The following CPLANE1 variants were observed in gnomAD, a reference collection of about 807,000 sequenced individuals.
CPLANE1 encodes the protein ciliogenesis and planar polarity effector 1.
In CPLANE1, 263 loss-of-function variants were observed where a neutral mutation model predicts 362.5. The ratio of observed to expected loss-of-function variants is 0.73; its 90% CI spans 0.66 to 0.80. CPLANE1 has a LOEUF of 0.80. CPLANE1 is among the 30% of genes least tolerant of loss of function. The pLI, the probability that CPLANE1 is intolerant of heterozygous loss-of-function variation, is 0.00. For missense variants in CPLANE1, 3,461 were observed against 3,793.4 expected (o/e 0.91, Z 2.30); for synonymous variants, 1,212 against 1,302.6 (o/e 0.93, Z 1.50).
chr5:37,110,090 C>T (rs1472258619), intron 51 of CPLANE1, among the ~76,000 whole-genome samples: 1 of 151,650 alleles, frequency 6.6e-6, no homozygotes, highest in African/African-American at 2.4e-5. Context: ...GCAATCTATC[C>T]TTGTATGCCG....
chr5:37,080,052 G>T, the CPLANE1 span, among the ~76,000 whole-genome samples: 1 of 152,130 alleles, frequency 6.6e-6, no homozygotes, highest in Admixed American at 6.5e-5. Flanking sequence ...GAAGATGAGC[G>T]GATATTCAAG....
rs746438825 is a variant in CPLANE1, at chr5:37,179,494, A to G, written c.5738-51T>C. The G allele has an allele frequency of 1.4e-4, 176 of 1,275,166 alleles. No homozygotes were observed. In the East Asian group the frequency reaches 3.8e-3, roughly 27 times the overall value. The allele number at this position is 1,275,166 out of a possible 1,614,324, so 79.0% of individuals were successfully genotyped here. A position where few individuals can be genotyped will look rare whatever the true frequency, so the allele number is the denominator to read the frequency against. ...AAACTGATCATTTAAAAAATAAGCT[A>G]TTGACTTTTTAGGGGGCTCAGGGAA... On this transcript the variant is annotated intron_variant, in intron 28 of 52. Coordinates refer to ENST00000651892, the MANE Select transcript of CPLANE1 (RefSeq NM_001384732.1).
intron 36 of CPLANE1, among the ~76,000 whole-genome samples, chr5:37,165,214 T>A (rs1161870194): frequency 6.6e-6 from 1 of 152,214 alleles, no homozygotes; most frequent in Admixed American, 6.5e-5. Flanking sequence ...ACGGTGAAAC[T>A]GTATTAGGAG....
At chr5:37,243,535 C>G (rs1402594324) in intron 5 of CPLANE1, among the ~76,000 whole-genome samples, 1 of 151,444 alleles carries the variant, frequency 6.6e-6, no homozygotes, top group Non-Finnish European at 1.5e-5. Context: ...GAATACCAAG[C>G]AGATATTTTA....
At chr5:37,155,766 T>C (rs1368273778) in intron 41 of CPLANE1, among the ~76,000 whole-genome samples, 1 of 152,242 alleles carries the variant, frequency 6.6e-6, no homozygotes, top group African/African-American at 2.4e-5. Context: ...CTGTAGCTTA[T>C]GGTCATTTGA....
At chr5:37,150,356 A>G (rs1220156278) in intron 42 of CPLANE1, among the ~76,000 whole-genome samples, 1 of 152,120 alleles carries the variant, frequency 6.6e-6, no homozygotes, top group Non-Finnish European at 1.5e-5. Flanking sequence ...CACCTATGCT[A>G]TCATGATTTG....
At chr5:37,208,890 C>CT (rs1300157913) in intron 16 of CPLANE1, among the ~76,000 whole-genome samples, 1 of 150,842 alleles carries the variant, frequency 6.6e-6, no homozygotes, top group Admixed American at 6.6e-5. Flanking sequence ...AGAACAAGTA[C>CT]TTTATCACTT....
At chr5:37,138,038 C>G (rs1768318812) in intron 46 of CPLANE1, among the ~76,000 whole-genome samples, 1 of 151,862 alleles carries the variant, frequency 6.6e-6, no homozygotes, top group Admixed American at 6.6e-5. Flanking sequence ...GTGGAGCGTT[C>G]TACAGATGTT....
chr5:37,191,280 C>T (rs1785477479), intron 21 of CPLANE1, among the ~76,000 whole-genome samples: 2 of 152,110 alleles, frequency 1.3e-5, no homozygotes, highest in Non-Finnish European at 2.9e-5. Flanking sequence ...CACCTGTAAT[C>T]GTAGCACTTC....
At chr5:37,205,286 A>G in intron 18 of CPLANE1, 29 bp downstream of exon 18, 2 of 1,504,436 alleles carry the variant, frequency 1.3e-6, no homozygotes, top group Non-Finnish European at 1.8e-6. Flanking sequence ...TTAATCTGAC[A>G]CGAATCAGAC....
At chr5:37,227,105 A>G (rs1490584696) in intron 11 of CPLANE1, 32 bp from the exon 12 acceptor site, 12 of 1,504,856 alleles carry the variant, frequency 8.0e-6, no homozygotes, top group Non-Finnish European at 1.1e-5. Flanking sequence ...ATGATACTTA[A>G]TACCATTTAA....
intron 21 of CPLANE1, among the ~76,000 whole-genome samples, chr5:37,194,656 ACT>A (rs1491548231): frequency 2.0e-5 from 3 of 149,254 alleles, no homozygotes; most frequent in Admixed American, 6.7e-5. Flanking sequence ...TTAAGAATAA[ACT>A]TTTTTTTTTT....
chr5:37,216,498 G>A (rs759620454), intron 15 of CPLANE1, among the ~76,000 whole-genome samples: 5 of 152,226 alleles, frequency 3.3e-5, no homozygotes, highest in Non-Finnish European at 5.9e-5. Flanking sequence ...GCAGTGAGCT[G>A]TGATCACGCC....
chr5:37,149,677 T>C (rs1472718458), intron 42 of CPLANE1, among the ~76,000 whole-genome samples: 2 of 152,188 alleles, frequency 1.3e-5, no homozygotes, highest in African/African-American at 4.8e-5. Flanking sequence ...TATACTGTAA[T>C]CAAAGTTATA....
At chr5:37,131,515 A>AT (rs1361967974) in intron 46 of CPLANE1, among the ~76,000 whole-genome samples, 2 of 151,200 alleles carry the variant, frequency 1.3e-5, no homozygotes, top group Non-Finnish European at 3.0e-5. Context: ...ACTGTATTTA[A>AT]TTTTTTTTTA....
intron 19 of CPLANE1, among the ~76,000 whole-genome samples, chr5:37,201,008 G>C (rs1561581821): frequency 6.6e-6 from 1 of 152,094 alleles, no homozygotes; most frequent in Non-Finnish European, 1.5e-5. Context: ...ATATTTTATA[G>C]AGACAGGGTT....
At chr5:37,192,307 C>A (rs1785765077) in intron 21 of CPLANE1, among the ~76,000 whole-genome samples, 1 of 152,090 alleles carries the variant, frequency 6.6e-6, no homozygotes, top group Non-Finnish European at 1.5e-5. Context: ...CAGGTGCAAT[C>A]ATTGCATACA....
At chr5:37,135,842 C>G (rs1414468949) in intron 46 of CPLANE1, among the ~76,000 whole-genome samples, 1 of 151,474 alleles carries the variant, frequency 6.6e-6, no homozygotes, top group Non-Finnish European at 1.5e-5. Flanking sequence ...AAAAAAAAAC[C>G]AACAAAAAAC....
intron 41 of CPLANE1, among the ~76,000 whole-genome samples, chr5:37,154,877 T>C (rs780342975): frequency 7.9e-5 from 12 of 152,184 alleles, no homozygotes; most frequent in Non-Finnish European, 1.6e-4. Flanking sequence ...ATGAATTCAC[T>C]GCTTCTGCCC....
Sources: gnomAD v4.1 joint callset for allele counts (sites outside exome capture counted in the v4.1 genomes callset) on GRCh38, gnomAD v4.1.1 for gene constraint, MANE v1.5 for transcripts, NCBI Gene and HGNC (gene_info 2026-07-23, HGNC 2026-07-21) for gene names.